Variants in ZNF430 observed in about 807,000 individuals in gnomAD.
ZNF430 encodes the protein zinc finger protein 430.
In ZNF430, 35 loss-of-function variants were observed where a neutral mutation model predicts 56.7. That is an observed-to-expected ratio of 0.62 (90% CI 0.47 to 0.82). The LOEUF (loss-of-function observed/expected upper bound fraction) is 0.82. Among genes scored for constraint, ZNF430 ranks in the 40% least tolerant of loss-of-function variants. The probability of loss-of-function intolerance (pLI) is 0.00; values close to 1 mark genes in which losing one functional copy is unlikely to be tolerated. For synonymous variants in ZNF430, 212 were observed against 224.3 expected (o/e 0.94, Z 0.49); for missense variants, 574 against 661.0 (o/e 0.87, Z 1.44).
At position 21,056,909 on chromosome 19, in the gene ZNF430, G is replaced by C; in HGVS notation, c.601G>C (p.Gly201Arg). The C allele has an allele frequency of 1.9e-6, 3 of 1,612,560 alleles. No homozygotes were observed. The highest frequency in any genetic ancestry group is 2.5e-6 in the Non-Finnish European group (3 of 1,179,326). Residue 201 changes from glycine to arginine, a missense_variant, in exon 5 of 5, where the codon GGA becomes CGA. Gly to Arg is a moderately radical substitution (Grantham distance 125). Around this residue, in one of 3 missense-constraint regions of ZNF430, gnomAD observed 346 missense variants for 399.1 expected, o/e 0.87. Coordinates refer to ENST00000261560, the MANE Select transcript of ZNF430 (RefSeq NM_025189.4). ...NPNIQKIRHT[G>R]KKPFKCKKCD... is the part of the protein sequence containing the mutation. Reference sequence around the variant, plus strand: ...AAATATACAAAAGATAAGACATACTGGAAAGAAGCCTTTCAAATGTAAAAA... The same window carrying C: ...AAATATACAAAAGATAAGACATACTCGAAAGAAGCCTTTCAAATGTAAAAA...
Position 21,056,640 on chromosome 19 carries a change from C to T in ZNF430, c.332C>T (p.Ser111Phe). 1 of 1,508,650 alleles carries T rather than the reference C, an allele frequency of 6.6e-7. No individual in the cohort carries two copies. Among genetic ancestry groups the T allele is most frequent in the South Asian group, 1.4e-5 (1 of 71,098 alleles). 93.5% of individuals were successfully genotyped at this position (1,508,650 alleles called of 1,614,324 possible). A position where few individuals can be genotyped will look rare whatever the true frequency, so the allele number is the denominator to read the frequency against. ...AMVDQPPVTY[S>F]HFAQDLWPEQ... ...TTTTTATTTCTTTCAGTTACATATTCTCATTTTGCCCAAGACCTTTGGCCA... is the reference window on the plus strand; with the variant it reads ...TTTTTATTTCTTTCAGTTACATATTTTCATTTTGCCCAAGACCTTTGGCCA... The change falls in exon 5 of 5, where the codon TCT (serine) becomes TTT (phenylalanine). Residue 111 changes from serine (S) to phenylalanine (F), a missense_variant. Physicochemically the swap from Ser to Phe is radical, Grantham distance 155. Coordinates refer to ENST00000261560, the MANE Select transcript of ZNF430 (RefSeq NM_025189.4).
intron 4 of ZNF430, 75 bp from the exon 5 acceptor site, chr19:21,056,556 A>T (rs756518284): frequency 2.7e-6 from 3 of 1,118,274 alleles, no homozygotes; most frequent in South Asian, 2.1e-5. Flanking sequence ...TTGTATAATT[A>T]TATGGGTTAG....
chr19:21,054,858 T>TA (rs1968345743), intron 4 of ZNF430, among the ~76,000 whole-genome samples: 1 of 151,652 alleles, frequency 6.6e-6, no homozygotes, highest in Non-Finnish European at 1.5e-5. Flanking sequence ...CTTTTTTTAG[T>TA]AGAGACAAGG....
In ZNF430 at chr19:21,041,753, C is replaced by T. The variant is rs182085537; in HGVS notation, c.322+7569C>T. Among the ~76,000 whole-genome samples the T allele has an allele frequency of 4.6e-4, 70 of 152,006 alleles. 1 individual carries two copies. The Middle Eastern group carries it at 0.01, about 22-fold the overall frequency. On this transcript the variant is annotated intron_variant, in intron 4 of 4. Transcript: ENST00000261560. ...TTGTTGAGACAGAGTCTTGCTCTGT[C>T]GCCAGGCTGGAGTGCTGTGGCATGA...
intron 2 of ZNF430, among the ~76,000 whole-genome samples, chr19:21,031,997 A>G (rs1376135990): frequency 6.6e-6 from 1 of 152,182 alleles, no homozygotes; most frequent in Non-Finnish European, 1.5e-5. Flanking sequence ...AATTCCTACC[A>G]TAAATTTATA....
intron 4 of ZNF430, among the ~76,000 whole-genome samples, chr19:21,037,840 A>G (rs902595020): frequency 6.6e-6 from 1 of 152,118 alleles, no homozygotes; most frequent in Non-Finnish European, 1.5e-5. Flanking sequence ...TTAATTTTGC[A>G]TGTCATTTCA....
At chr19:21,032,587 C>T (rs899963702) in intron 2 of ZNF430, among the ~76,000 whole-genome samples, 1 of 152,012 alleles carries the variant, frequency 6.6e-6, no homozygotes, top group African/African-American at 2.4e-5. Flanking sequence ...ATTAGCTGGG[C>T]ATGGTGGTAC....
At chr19:21,032,526 G>A (rs1052898634) in intron 2 of ZNF430, among the ~76,000 whole-genome samples, 2 of 152,116 alleles carry the variant, frequency 1.3e-5, no homozygotes, top group East Asian at 1.9e-4. Context: ...TCAGGAGTTC[G>A]AGACCAGACT....
chr19:21,057,566 A>G lies in ZNF430; in HGVS notation c.1258A>G (p.Lys420Glu), dbSNP rs1230325541. ...TTGGTCCTCGACCCTTACTAAACAT[A>G]AAAGAATTCATACTGGAGAGAAACC... is the stretch of plus-strand genomic sequence containing the variant. ...FNWSSTLTKH[K>E]RIHTGEKPYK... The change falls in exon 5 of 5, where the codon AAA becomes GAA. Residue 420 changes from lysine (K) to glutamate (E), a missense_variant. By Grantham distance (56) the Lys-to-Glu change is moderately conservative (BLOSUM62 1). Coordinates refer to ENST00000261560, the MANE Select transcript of ZNF430 (RefSeq NM_025189.4). 2 of 1,613,360 alleles carry G rather than the reference A, an allele frequency of 1.2e-6. No homozygotes were observed. The highest frequency in any genetic ancestry group is 1.7e-6 in the Non-Finnish European group (2 of 1,179,980).
rs1190865909 is a variant in ZNF430, at chr19:21,058,583, T to C, written c.*562T>C. ...AGAAATCCTAGAAATGTAAAGAATG[T>C]GACAAGGCCTTTAAATGGTTGTCAC... On this transcript the variant is annotated 3_prime_UTR_variant, in exon 5 of 5. Coordinates refer to ENST00000261560, the MANE Select transcript of ZNF430 (RefSeq NM_025189.4). 6.3e-6 allele frequency: 1 copy of C among 159,586 alleles called. No homozygotes were observed. Among genetic ancestry groups the C allele is most frequent in the Non-Finnish European group, 1.4e-5 (1 of 69,446 alleles). 9.9% of individuals were successfully genotyped at this position (159,586 alleles called of 1,614,324 possible).
At chr19:21,042,314 G>A (rs1457604081) in intron 4 of ZNF430, among the ~76,000 whole-genome samples, 1 of 152,070 alleles carries the variant, frequency 6.6e-6, no homozygotes, top group Non-Finnish European at 1.5e-5. Context: ...ATATTCCTTT[G>A]GGTATATACC....
In ZNF430 at chr19:21,033,548, G is replaced by A. The variant is rs956186089; in HGVS notation, c.189G>A (p.Val63=). Residue 63 remains valine, a synonymous_variant, in exon 3 of 5, where the codon GTG becomes GTA. Coordinates refer to ENST00000261560, the MANE Select transcript of ZNF430 (RefSeq NM_025189.4). ...DTAQQDLYRK[V]MLENYRNLVF... ...CTCAGCAGGATTTGTATAGAAAAGT[G>A]ATGTTAGAGAACTACAGAAACCTGG... 1 of 1,610,938 alleles carries A rather than the reference G, an allele frequency of 6.2e-7. No homozygotes were observed. The highest frequency in any genetic ancestry group is 8.5e-7 in the Non-Finnish European group (1 of 1,178,584).
chr19:21,044,512 A>G (rs568807623), intron 4 of ZNF430, among the ~76,000 whole-genome samples: 2 of 152,240 alleles, frequency 1.3e-5, no homozygotes, highest in East Asian at 1.9e-4. Context: ...TTTTGCATCA[A>G]TGTTTATCAG....
chr19:21,021,140 TG>T (rs1974290941), intron 1 of ZNF430, among the ~76,000 whole-genome samples: 1 of 151,770 alleles, frequency 6.6e-6, no homozygotes, highest in Admixed American at 6.6e-5. Context: ...AATCCTGACT[TG>T]GGGTGCGAGT....
chr19:21,042,799 A>T (rs966460271), intron 4 of ZNF430, among the ~76,000 whole-genome samples: 5 of 152,020 alleles, frequency 3.3e-5, no homozygotes, highest in African/African-American at 1.2e-4. Flanking sequence ...AAAAAAAAAA[A>T]ATTTAGAAAA....
At chr19:21,038,435 T>C (rs1968042892) in intron 4 of ZNF430, among the ~76,000 whole-genome samples, 2 of 152,204 alleles carry the variant, frequency 1.3e-5, no homozygotes, top group South Asian at 4.1e-4. Flanking sequence ...TAATTTTTTA[T>C]TATTATTTTT....
intron 4 of ZNF430, chr19:21,036,425 A>T (rs188367256): frequency 6.2e-4 from 94 of 152,248 alleles, no homozygotes; most frequent in African/African-American, 2.2e-3. Context: ...ATTTGAAGGT[A>T]ATTTTTGAAA....
At chr19:21,049,829 T>C (rs546217122) in intron 4 of ZNF430, among the ~76,000 whole-genome samples, 1 of 152,290 alleles carries the variant, frequency 6.6e-6, no homozygotes, top group East Asian at 1.9e-4. Context: ...GAATTAAATA[T>C]TATTGGTTAG....
intron 2 of ZNF430, among the ~76,000 whole-genome samples, chr19:21,027,713 G>A (rs142207659): frequency 2.0e-5 from 3 of 152,056 alleles, no homozygotes; most frequent in Non-Finnish European, 2.9e-5. Context: ...TAGTAGAAGT[G>A]GTACTAGCTC....
Sources: gnomAD v4.1 joint callset for allele counts (sites outside exome capture counted in the v4.1 genomes callset) on GRCh38, gnomAD v4.1.1 for gene constraint, gnomAD v4.1.1 regional missense constraint, MANE v1.5 for transcripts, NCBI Gene and HGNC (gene_info 2026-07-23, HGNC 2026-07-21) for gene names.